RBFOX1: variants seen among roughly 807,000 people sequenced by gnomAD.
RBFOX1 encodes the protein RNA binding protein fox-1 homolog 1.
In RBFOX1, 8 loss-of-function variants were observed where a neutral mutation model predicts 57.7. That is an observed-to-expected ratio of 0.14 (90% CI 0.08 to 0.25). RBFOX1 has a LOEUF of 0.25. RBFOX1 is among the 10% of genes least tolerant of loss of function. RBFOX1 has a pLI of 1.00. For synonymous variants in RBFOX1, 326 were observed against 222.4 expected, an observed-to-expected ratio of 1.47 and a Z score of -4.15; for missense variants, 611 against 548.5, an observed-to-expected ratio of 1.11 and a Z score of -1.14.
At position 6,478,419 on chromosome 16, in the gene RBFOX1, ATATATATATATTTTT is replaced by A. The variant is rs1401568618; in HGVS notation, c.-64+161364_-64+161378del. Among the ~76,000 whole-genome samples the A allele has an allele frequency of 1.6e-3, 22 of 13,806 alleles. 1 individual carries two copies. The East Asian group carries it at 0.021, about 13-fold the overall frequency. 9.1% of individuals were successfully genotyped at this position (13,806 alleles called of 152,430 possible). A position where few individuals can be genotyped will look rare whatever the true frequency, so the allele number is the denominator to read the frequency against. ...TATATATATATATATATATATATATATATATATATATTTTTTTTTTTTTTTTTTGTATTTTTAGTA... is the reference window on the plus strand; with the variant it reads ...TATATATATATATATATATATATATATTTTTTTTTTTTTGTATTTTTAGTA... On this transcript the variant is annotated intron_variant, in intron 2 of 15. Coordinates refer to ENST00000550418, the MANE Select transcript of RBFOX1 (RefSeq NM_018723.4).
intron 2 of RBFOX1, among the ~76,000 whole-genome samples, chr16:6,615,140 C>T (rs2098124039): frequency 6.6e-6 from 1 of 152,124 alleles, no homozygotes. Flanking sequence ...ATACAGTTTG[C>T]AAAACAGTTA....
intron 1 of RBFOX1, among the ~76,000 whole-genome samples, chr16:5,404,169 T>C (rs931475309): frequency 1.1e-4 from 16 of 151,964 alleles, no homozygotes; most frequent in Non-Finnish European, 2.2e-4. Flanking sequence ...TGGGGGTGGA[T>C]GGTGAGGAAT....
intron 14 of RBFOX1, among the ~76,000 whole-genome samples, chr16:7,690,261 AG>A (rs2077031608): frequency 6.6e-6 from 1 of 152,126 alleles, no homozygotes; most frequent in Non-Finnish European, 1.5e-5. Flanking sequence ...GGAGCAGCCA[AG>A]GTGAGGACCA....
chr16:7,649,216 T>TA lies in RBFOX1; in HGVS notation c.758-4590dup, dbSNP rs200176275. Among the ~76,000 whole-genome samples the TA allele has an allele frequency of 7.5e-4, 113 of 151,470 alleles. 1 individual carries two copies. Among genetic ancestry groups the TA allele is most frequent in the Non-Finnish European group, 1.4e-3 (95 of 67,782 alleles). On this transcript the variant is annotated intron_variant, in intron 11 of 15. Transcript: ENST00000550418. ...TGGTATAATACTTGTTTATATAGGA[T>TA]AAAAAAAAATAAGATCATGGGGAAA...
chr16:7,048,025 C>A (rs150912688), intron 3 of RBFOX1, among the ~76,000 whole-genome samples: 1 of 151,488 alleles, frequency 6.6e-6, no homozygotes, highest in African/African-American at 2.4e-5. Context: ...AATAAAGGTG[C>A]CTGCCACAAC....
intron 3 of RBFOX1, among the ~76,000 whole-genome samples, chr16:5,702,454 C>G (rs1030224119): frequency 2.0e-5 from 3 of 152,180 alleles, no homozygotes; most frequent in African/African-American, 7.2e-5. Context: ...GGGCACAAAT[C>G]CAAACCATAT....
chr16:5,569,359 G>A (rs1006586929), intron 2 of RBFOX1, among the ~76,000 whole-genome samples: 12 of 146,530 alleles, frequency 8.2e-5, no homozygotes, highest in African/African-American at 2.7e-4. Flanking sequence ...ACTGGCTAAC[G>A]CTCTGATTAC....
At chr16:7,688,222 TG>T (rs1336750826) in intron 14 of RBFOX1, among the ~76,000 whole-genome samples, 3 of 1,288 alleles carry the variant, frequency 2.3e-3, no homozygotes, top group South Asian at 0.025. Flanking sequence ...CAGGTTTAAA[TG>T]TGTGTGTGTG....
intron 3 of RBFOX1, among the ~76,000 whole-genome samples, chr16:5,750,799 C>T (rs543522445): frequency 6.6e-6 from 1 of 152,342 alleles, no homozygotes; most frequent in East Asian, 1.9e-4. Context: ...AATTCCCTGA[C>T]ACCTTGCACT....
chr16:7,336,830 C>A (rs1051478626), intron 4 of RBFOX1, among the ~76,000 whole-genome samples: 15 of 152,162 alleles, frequency 9.9e-5, no homozygotes, highest in African/African-American at 1.4e-4. Context: ...AAGTTGGGCA[C>A]CAAAGCTCAT....
chr16:7,217,625 G>A (rs184243475), intron 4 of RBFOX1, among the ~76,000 whole-genome samples: 4 of 151,700 alleles, frequency 2.6e-5, no homozygotes, highest in Non-Finnish European at 4.4e-5. Flanking sequence ...TCAATTACTT[G>A]GCTTGAAAAG....
chr16:5,791,158 G>C (rs1364681879), intron 3 of RBFOX1, among the ~76,000 whole-genome samples: 2 of 152,122 alleles, frequency 1.3e-5, no homozygotes, highest in African/African-American at 2.4e-5. Context: ...GTGAGCCACA[G>C]TGCCTGGCTT....
At chr16:5,374,941 C>T (rs994170602) in intron 1 of RBFOX1, among the ~76,000 whole-genome samples, 3 of 151,908 alleles carry the variant, frequency 2.0e-5, no homozygotes, top group African/African-American at 7.2e-5. Context: ...ACTATCCAGC[C>T]TTCTAAAGAA....
intron 2 of RBFOX1, among the ~76,000 whole-genome samples, chr16:5,527,364 C>T (rs531441498): frequency 3.9e-5 from 6 of 152,326 alleles, no homozygotes; most frequent in East Asian, 3.9e-4. Flanking sequence ...CCCCATACAG[C>T]GTCCTCCATG....
At chr16:6,586,938 T>C (rs1263140362) in intron 2 of RBFOX1, among the ~76,000 whole-genome samples, 3 of 152,192 alleles carry the variant, frequency 2.0e-5, no homozygotes, top group Non-Finnish European at 2.9e-5. Flanking sequence ...TTTTGAAATA[T>C]ATATATATTG....
intron 3 of RBFOX1, among the ~76,000 whole-genome samples, chr16:5,633,076 C>T (rs751219413): frequency 6.6e-6 from 1 of 151,446 alleles, no homozygotes; most frequent in African/African-American, 2.4e-5. Flanking sequence ...GTAGCTGGGA[C>T]TGTAGGCACC....
chr16:5,278,349 C>G (rs926711547), intron 1 of RBFOX1, among the ~76,000 whole-genome samples: 2 of 152,134 alleles, frequency 1.3e-5, no homozygotes, highest in East Asian at 1.9e-4. Context: ...TGTGCAGAAG[C>G]TCTTTCATTT....
intron 2 of RBFOX1, among the ~76,000 whole-genome samples, chr16:6,379,246 G>C (rs1476587479): frequency 6.6e-6 from 1 of 152,146 alleles, no homozygotes; most frequent in Non-Finnish European, 1.5e-5. Flanking sequence ...GAATTCATCA[G>C]AGAGGCAATG....
At chr16:7,240,313 G>A (rs899764563) in intron 4 of RBFOX1, among the ~76,000 whole-genome samples, 1 of 152,112 alleles carries the variant, frequency 6.6e-6, no homozygotes, top group Admixed American at 6.6e-5. Context: ...TTACGGAGCA[G>A]TGTTCATCAG....
Sources: allele counts gnomAD v4.1 joint callset (sites outside exome capture counted in the v4.1 genomes callset), GRCh38; gene constraint gnomAD v4.1.1; transcripts MANE v1.5; gene names NCBI Gene and HGNC (gene_info 2026-07-23, HGNC 2026-07-21).